Variants in TK2 observed in about 807,000 individuals in gnomAD.
TK2 encodes thymidine kinase 2.
A neutral mutation model predicts 41.9 loss-of-function variants in TK2; 35 were observed. That is an observed-to-expected ratio of 0.84 (90% confidence interval 0.64 to 1.11). The LOEUF (loss-of-function observed/expected upper bound fraction) is 1.11. TK2 is among the 50% of genes least tolerant of loss of function. The pLI, the probability that TK2 is intolerant of heterozygous loss-of-function variation, is 0.00. For missense variants in TK2, 320 were observed against 351.1 expected (o/e 0.91, Z 0.71); for synonymous variants, 128 against 129.1 (o/e 0.99, Z 0.06).
At chr16:66,535,383 TCTTA>T (rs1965246465) in intron 4 of TK2, among the ~76,000 whole-genome samples, 1 of 152,228 alleles carries the variant, frequency 6.6e-6, no homozygotes, top group Non-Finnish European at 1.5e-5. Flanking sequence ...ACTCTAGCTG[TCTTA>T]CTTAATAACT....
chr16:66,522,070 A>G (rs1964796755), intron 6 of TK2, among the ~76,000 whole-genome samples: 2 of 152,156 alleles, frequency 1.3e-5, no homozygotes, highest in Non-Finnish European at 2.9e-5. Flanking sequence ...CAGAGAAGTG[A>G]AGGCCAACTC....
chr16:66,532,903 A>C (rs1251205258), intron 4 of TK2, among the ~76,000 whole-genome samples: 1 of 152,034 alleles, frequency 6.6e-6, no homozygotes, highest in Admixed American at 6.6e-5. Flanking sequence ...TGAAACCACA[A>C]AAGACCCCAA....
intron 5 of TK2, among the ~76,000 whole-genome samples, chr16:66,529,488 C>A (rs1320457830): frequency 6.6e-6 from 1 of 152,262 alleles, no homozygotes; most frequent in Non-Finnish European, 1.5e-5. Flanking sequence ...AGAGGGACCA[C>A]ATGCATGAGG....
intron 6 of TK2, among the ~76,000 whole-genome samples, chr16:66,525,265 A>G (rs1285669926): frequency 2.0e-5 from 3 of 152,204 alleles, no homozygotes; most frequent in East Asian, 3.8e-4. Flanking sequence ...ACTCTGGGGT[A>G]TGTGGCTGAG....
intron 6 of TK2, among the ~76,000 whole-genome samples, chr16:66,528,393 T>C (rs1261248182): frequency 6.6e-6 from 1 of 152,172 alleles, no homozygotes; most frequent in Non-Finnish European, 1.5e-5. Flanking sequence ...AGGGAAGCTT[T>C]TAGTGAAAAA....
chr16:66,533,987 G>T (rs1030925949), intron 4 of TK2, among the ~76,000 whole-genome samples: 2 of 112,784 alleles, frequency 1.8e-5, no homozygotes, highest in African/African-American at 7.3e-5. Flanking sequence ...CAGCCTGGGC[G>T]ACAGAGTGAG....
At chr16:66,518,902 A>G (rs1964694301) in intron 6 of TK2, among the ~76,000 whole-genome samples, 1 of 151,836 alleles carries the variant, frequency 6.6e-6, no homozygotes, top group African/African-American at 2.4e-5. Flanking sequence ...ACAACACATT[A>G]CTTCTCAAAT....
chr16:66,548,765 T>G, intron 2 of TK2: 1 of 573,286 alleles, frequency 1.7e-6, no homozygotes. Context: ...AATACTTGTG[T>G]GCTCCTATCT....
At chr16:66,525,131 T>G (rs1415978364) in intron 6 of TK2, among the ~76,000 whole-genome samples, 1 of 152,180 alleles carries the variant, frequency 6.6e-6, no homozygotes, top group African/African-American at 2.4e-5. Context: ...TCCTTAACCA[T>G]GAGAGCAGAT....
At chr16:66,543,706 TCA>T (rs1965523513) in intron 2 of TK2, among the ~76,000 whole-genome samples, 1 of 152,162 alleles carries the variant, frequency 6.6e-6, no homozygotes, top group Non-Finnish European at 1.5e-5. Context: ...TGATGGAGCC[TCA>T]GTCACACCTC....
At position 66,549,843 on chromosome 16, in the gene TK2, G is replaced by A. The variant is rs1006659822; in HGVS notation, c.124+95C>T. On this transcript the variant is annotated intron_variant, in intron 1 of 9. Transcript: ENST00000544898. ...GGAGGAAATCCCGCGCCTCGGAAGAGGCGCTTCGGGCTCGGGCGGGTTCCG... is the reference window on the plus strand; with the variant it reads ...GGAGGAAATCCCGCGCCTCGGAAGAAGCGCTTCGGGCTCGGGCGGGTTCCG... 8.6e-6 allele frequency: 11 copies of A among 1,283,622 alleles called. No homozygotes were observed. In the Admixed American group the frequency reaches 3.4e-4, roughly 40 times the overall value. 79.5% of individuals were successfully genotyped at this position (1,283,622 alleles called of 1,614,324 possible). A position where few individuals can be genotyped will look rare whatever the true frequency, so the allele number is the denominator to read the frequency against.
chr16:66,512,899 A>G (rs775502218), intron 9 of TK2, among the ~76,000 whole-genome samples: 10 of 152,214 alleles, frequency 6.6e-5, no homozygotes, highest in Non-Finnish European at 1.3e-4. Flanking sequence ...ATGGCCACGC[A>G]CAAAAGCTCA....
intron 3 of TK2, 136 bp downstream of exon 3, chr16:66,541,743 G>T (rs1045263372): frequency 1.9e-5 from 17 of 875,788 alleles, no homozygotes; most frequent in African/African-American, 1.0e-4. Context: ...GAGGATATTA[G>T]AAATGTTAAA....
chr16:66,525,650 T>C (rs1395444312), intron 6 of TK2, among the ~76,000 whole-genome samples: 1 of 152,080 alleles, frequency 6.6e-6, no homozygotes, highest in Non-Finnish European at 1.5e-5. Context: ...GCCTCTGGAG[T>C]GCCCGAGGCC....
At chr16:66,537,068 T>G (rs182537475) in intron 3 of TK2, 51 bp from the exon 4 acceptor site, 1 of 1,602,980 alleles carries the variant, frequency 6.2e-7, no homozygotes, top group East Asian at 2.2e-5. Flanking sequence ...CTGAACCCTG[T>G]AAAAGTGTGT....
At chr16:66,549,434 AGGT>A in intron 1 of TK2, 1 of 1,074,540 alleles carries the variant, frequency 9.3e-7, no homozygotes, top group Non-Finnish European at 1.1e-6. Flanking sequence ...TCCGTCCCAC[AGGT>A]GGTTCTGAGG....
At chr16:66,549,916 G>C in intron 1 of TK2, 22 bp downstream of exon 1, 1 of 1,349,250 alleles carries the variant, frequency 7.4e-7, no homozygotes, top group South Asian at 2.0e-5. Flanking sequence ...CTCCTGGGAG[G>C]CGGGACCAAG....
chr16:66,548,796 T>TA, intron 2 of TK2, 182 bp downstream of exon 2: 3 of 636,904 alleles, frequency 4.7e-6, no homozygotes, highest in Non-Finnish European at 8.5e-6. Flanking sequence ...TGGGGAAAGA[T>TA]ACAAGAAATT....
chr16:66,538,839 G>C (rs1965366856), intron 3 of TK2, among the ~76,000 whole-genome samples: 4 of 152,176 alleles, frequency 2.6e-5, no homozygotes, highest in Admixed American at 2.6e-4. Flanking sequence ...AATCAAACAA[G>C]GGTGTGGCCC....
Sources: allele counts gnomAD v4.1 joint callset (sites outside exome capture counted in the v4.1 genomes callset), GRCh38; gene constraint gnomAD v4.1.1; transcripts MANE v1.5; gene names NCBI Gene and HGNC (gene_info 2026-07-23, HGNC 2026-07-21).